SUFU: variants seen among roughly 807,000 people sequenced by gnomAD.
SUFU encodes the protein suppressor of fused homolog.
Under a neutral mutation model 58.9 loss-of-function variants are expected in SUFU, and 7 were observed. The ratio of observed to expected loss-of-function variants is 0.12; its 90% CI spans 0.07 to 0.22. SUFU has a LOEUF of 0.22. Ranked by LOEUF, SUFU falls within the 10% of genes least tolerant of loss-of-function variation. The pLI, the probability that SUFU is intolerant of heterozygous loss-of-function variation, is 1.00. For synonymous variants in SUFU, 232 were observed against 254.8 expected (o/e 0.91, Z 0.85); for missense variants, 451 against 641.3 (o/e 0.70, Z 3.20).
intron 2 of SUFU, among the ~76,000 whole-genome samples, chr10:102,522,901 A>G (rs1398988763): frequency 6.6e-6 from 1 of 152,204 alleles, no homozygotes; most frequent in Non-Finnish European, 1.5e-5. Context: ...TCCTTGAGCT[A>G]GAAGACATTG....
intron 3 of SUFU, among the ~76,000 whole-genome samples, chr10:102,570,399 G>T (rs559814822): frequency 6.6e-6 from 1 of 151,972 alleles, no homozygotes; most frequent in Non-Finnish European, 1.5e-5. Flanking sequence ...ACGCCACCAC[G>T]CCTGGCTAAT....
At chr10:102,622,915 C>T (rs545481043) in intron 10 of SUFU, among the ~76,000 whole-genome samples, 7 of 148,486 alleles carry the variant, frequency 4.7e-5, no homozygotes, top group Admixed American at 4.1e-4. Flanking sequence ...CACTTGAACC[C>T]AGGAGGCAGA....
chr10:102,568,921 CACATATA>C (rs2063128178), intron 3 of SUFU, among the ~76,000 whole-genome samples: 1 of 9,538 alleles, frequency 1.0e-4, no homozygotes, highest in Non-Finnish European at 1.9e-4. Context: ...TATATATATA[CACATATA>C]TATATATATA....
At chr10:102,626,551 C>A (rs1336706001) in intron 10 of SUFU, among the ~76,000 whole-genome samples, 1 of 152,106 alleles carries the variant, frequency 6.6e-6, no homozygotes, top group African/African-American at 2.4e-5. Context: ...AGGTCAGGGG[C>A]TTGGGAGCTT....
chr10:102,545,388 TC>T (rs2062845214), intron 2 of SUFU, among the ~76,000 whole-genome samples: 1 of 149,848 alleles, frequency 6.7e-6, no homozygotes. Context: ...TCCACCTCGG[TC>T]CCCCAAAGTG....
At chr10:102,522,597 A>G (rs1363382087) in intron 2 of SUFU, among the ~76,000 whole-genome samples, 1 of 152,182 alleles carries the variant, frequency 6.6e-6, no homozygotes, top group East Asian at 1.9e-4. Flanking sequence ...ATGGGCTACC[A>G]TTTAGGGCTT....
chr10:102,513,055 G>A (rs956719152), intron 2 of SUFU, among the ~76,000 whole-genome samples: 3 of 152,174 alleles, frequency 2.0e-5, no homozygotes, highest in African/African-American at 7.2e-5. Context: ...GTAACAGAGC[G>A]AGACCCTATC....
At chr10:102,620,096 C>T (rs747896582) in intron 10 of SUFU, among the ~76,000 whole-genome samples, 4 of 152,274 alleles carry the variant, frequency 2.6e-5, no homozygotes, top group Admixed American at 1.3e-4. Context: ...CAGGACATGA[C>T]GAGACCCAGT....
intron 2 of SUFU, among the ~76,000 whole-genome samples, chr10:102,523,795 C>T (rs1035619709): frequency 3.3e-5 from 5 of 152,228 alleles, no homozygotes; most frequent in African/African-American, 4.8e-5. Flanking sequence ...ACACTCATCT[C>T]ATGAATCATG....
intron 3 of SUFU, chr10:102,590,996 A>C (rs1000501559): frequency 6.6e-6 from 1 of 152,112 alleles, no homozygotes; most frequent in Non-Finnish European, 1.5e-5. Context: ...CTGAATGAAC[A>C]CTATTGAGGT....
At chr10:102,560,797 C>T (rs906100497) in intron 3 of SUFU, among the ~76,000 whole-genome samples, 2 of 152,074 alleles carry the variant, frequency 1.3e-5, no homozygotes, top group Admixed American at 6.6e-5. Flanking sequence ...CTGCAGTGAG[C>T]GTCCTCGTAT....
At chr10:102,506,301 A>T (rs1374084602) in intron 1 of SUFU, among the ~76,000 whole-genome samples, 1 of 152,194 alleles carries the variant, frequency 6.6e-6, no homozygotes, top group Non-Finnish European at 1.5e-5. Context: ...GTGATAATGA[A>T]GAAAAGGGAT....
chr10:102,571,632 G>A (rs958535916), intron 3 of SUFU, among the ~76,000 whole-genome samples: 5 of 152,234 alleles, frequency 3.3e-5, no homozygotes, highest in Admixed American at 2.0e-4. Flanking sequence ...AGAGGTTGCA[G>A]TGAGTCAAGA....
At chr10:102,504,538 G>A (rs2062298285) in intron 1 of SUFU, among the ~76,000 whole-genome samples, 1 of 151,858 alleles carries the variant, frequency 6.6e-6, no homozygotes, top group Non-Finnish European at 1.5e-5. Context: ...GGGTACTGAG[G>A]GGTTAACCGG....
At chr10:102,615,008 T>A (rs1275951219) in intron 8 of SUFU, among the ~76,000 whole-genome samples, 1 of 152,054 alleles carries the variant, frequency 6.6e-6, no homozygotes, top group Non-Finnish European at 1.5e-5. Context: ...AGCCTCCCTG[T>A]CCCCAGTTCC....
At chr10:102,515,899 A>G (rs2062462709) in intron 2 of SUFU, among the ~76,000 whole-genome samples, 1 of 152,096 alleles carries the variant, frequency 6.6e-6, no homozygotes, top group East Asian at 1.9e-4. Flanking sequence ...GACTATTTGC[A>G]TGAGATGGTG....
intron 5 of SUFU, 65 bp downstream of exon 5, chr10:102,593,786 C>A: frequency 6.5e-7 from 1 of 1,527,154 alleles, no homozygotes; most frequent in Non-Finnish European, 9.1e-7. Flanking sequence ...CCTCCACTAC[C>A]CTCCATGTGG....
At chr10:102,607,048 T>C (rs1214488833) in intron 8 of SUFU, among the ~76,000 whole-genome samples, 8 of 148,174 alleles carry the variant, frequency 5.4e-5, no homozygotes, top group Admixed American at 5.0e-4. Flanking sequence ...GTGTGGACCA[T>C]TGGTAAGAGT....
At chr10:102,563,639 T>C (rs1040814586) in intron 3 of SUFU, among the ~76,000 whole-genome samples, 7 of 151,750 alleles carry the variant, frequency 4.6e-5, no homozygotes, top group African/African-American at 1.7e-4. Context: ...GCCACTGCAG[T>C]GAGCCAGGAT....
Sources: allele counts gnomAD v4.1 joint callset (sites outside exome capture counted in the v4.1 genomes callset), GRCh38; gene constraint gnomAD v4.1.1; transcripts MANE v1.5; gene names NCBI Gene and HGNC (gene_info 2026-07-23, HGNC 2026-07-21).